Variants in THSD4 observed in about 807,000 individuals in gnomAD.
THSD4 encodes the protein thrombospondin type-1 domain-containing protein 4.
A neutral mutation model predicts 119.0 loss-of-function variants in THSD4; 69 were observed. That is an observed-to-expected ratio of 0.58 (90% CI 0.48 to 0.71). The LOEUF is 0.71. THSD4 is among the 30% of genes least tolerant of loss of function. The probability of loss-of-function intolerance (pLI) is 0.00; values close to 1 mark genes in which losing one functional copy is unlikely to be tolerated. For synonymous variants in THSD4, 524 were observed against 540.4 expected, an observed-to-expected ratio of 0.97 and a Z score of 0.42; for missense variants, 1,393 against 1,391.1, an observed-to-expected ratio of 1.00 and a Z score of -0.02.
intron 6 of THSD4, among the ~76,000 whole-genome samples, chr15:71,325,181 G>A (rs1417699843): frequency 1.3e-5 from 2 of 152,078 alleles, no homozygotes; most frequent in Non-Finnish European, 2.9e-5. Flanking sequence ...TGAAGATGTG[G>A]GTTATGTATA....
rs763732027 is a variant in THSD4 at position 71,771,194 on chromosome 15, G to A, written c.2900G>A (p.Cys967Tyr). The A allele has an allele frequency of 9.3e-6, 15 of 1,613,758 alleles. No homozygotes were observed. The highest frequency in any genetic ancestry group is 1.2e-5 in the Non-Finnish European group (14 of 1,179,926). Residue 967 changes from cysteine to tyrosine, a missense_variant, in exon 17 of 18, where the codon TGT (cysteine) becomes TAT (tyrosine). Coordinates refer to ENST00000261862, the MANE Select transcript of THSD4 (RefSeq NM_024817.3). ...EERESCNPQD[C>Y]VPEVDENCKD... ...AGAGAATCTTGTAACCCTCAGGACT[G>A]TGTCCCTGAAGTTGGTAAGTAGAGA...
At chr15:71,228,691 CT>C (rs1362458625) in intron 4 of THSD4, among the ~76,000 whole-genome samples, 1 of 152,180 alleles carries the variant, frequency 6.6e-6, no homozygotes, top group East Asian at 1.9e-4. Context: ...GAGAACCTGG[CT>C]TTAAAGCCCA....
At chr15:71,727,587 T>TACACACACACACACAC (rs367823728) in intron 8 of THSD4, among the ~76,000 whole-genome samples, 7 of 9,278 alleles carry the variant, frequency 7.5e-4, no homozygotes, top group African/African-American at 1.8e-3. Flanking sequence ...TATATATATA[T>TACACACACACACACAC]ACACACACAC....
rs545054228 is a variant in THSD4 at position 71,551,219 on chromosome 15, ATG to A, written c.1153-109307_1153-109306del. 1.5e-4 allele frequency among the ~76,000 whole-genome samples: 23 copies of A among 152,346 alleles called. No individual in the cohort carries two copies. In the South Asian group the frequency reaches 4.3e-3, roughly 29 times the overall value. On this transcript the variant is annotated intron_variant, in intron 7 of 17. Transcript: ENST00000261862. ...GCATAAAATGCTCCCATTGTGTAAA[ATG>A]TGTTATCGACTATAATCACCATTGC... is the stretch of plus-strand genomic sequence containing the variant.
intron 7 of THSD4, among the ~76,000 whole-genome samples, chr15:71,616,851 ACT>A (rs1242507104): frequency 2.6e-5 from 4 of 152,080 alleles, no homozygotes; most frequent in African/African-American, 7.2e-5. Flanking sequence ...AATAGGATTA[ACT>A]CTCTACGAGA....
chr15:71,109,806 A>T (rs1474791316), intron 1 of THSD4, among the ~76,000 whole-genome samples: 1 of 151,882 alleles, frequency 6.6e-6, no homozygotes, highest in Non-Finnish European at 1.5e-5. Flanking sequence ...CAACTAGCAC[A>T]TAGTAGGTGG....
chr15:71,545,384 G>A (rs547668824), intron 7 of THSD4, among the ~76,000 whole-genome samples: 27 of 152,246 alleles, frequency 1.8e-4, no homozygotes, highest in South Asian at 8.3e-4. Flanking sequence ...AAATCTGGCC[G>A]CCTGTCTGTT....
intron 7 of THSD4, among the ~76,000 whole-genome samples, chr15:71,468,398 T>C (rs1008845770): frequency 1.3e-5 from 2 of 152,154 alleles, no homozygotes; most frequent in African/African-American, 4.8e-5. Flanking sequence ...CTCAGATCCC[T>C]TTTTCCTTAA....
At position 71,746,934 on chromosome 15, in the gene THSD4, C is replaced by T. The variant is rs1222625357; in HGVS notation, c.2133C>T (p.Ser711=). 2 of 1,613,794 alleles carry T rather than the reference C, an allele frequency of 1.2e-6. No individual in the cohort carries two copies. The change falls in exon 13 of 18, where the codon AGC becomes AGT. Residue 711 remains serine (S), a synonymous_variant. Coordinates refer to ENST00000261862, the MANE Select transcript of THSD4 (RefSeq NM_024817.3). ...GCCGCCAGGTGTACGCCAACCGCAG[C>T]CTGACGGTGCAGCCCTACCGCTGCC... ...VLCRQVYANR[S]LTVQPYRCQH...
chr15:71,340,603 CTTT>C (rs780712768), intron 6 of THSD4, among the ~76,000 whole-genome samples: 44 of 115,188 alleles, frequency 3.8e-4, no homozygotes, highest in African/African-American at 1.3e-3. Flanking sequence ...CATCCAGAGA[CTTT>C]TTTTTTTTTT....
At chr15:71,610,027 C>G (rs1048747992) in intron 7 of THSD4, among the ~76,000 whole-genome samples, 7 of 152,000 alleles carry the variant, frequency 4.6e-5, no homozygotes, top group Non-Finnish European at 5.9e-5. Context: ...AGACTGTCAT[C>G]GACAATAAAG....
intron 15 of THSD4, among the ~76,000 whole-genome samples, chr15:71,758,325 C>T (rs558573154): frequency 2.6e-5 from 4 of 152,320 alleles, no homozygotes; most frequent in East Asian, 1.9e-4. Context: ...TATCTCTGCC[C>T]TCAGGGGGCT....
rs181703187 is a variant in THSD4 at position 71,268,822 on chromosome 15, A to G, written c.1015+12107A>G. On this transcript the variant is annotated intron_variant, in intron 6 of 17. Coordinates refer to ENST00000261862, the MANE Select transcript of THSD4 (RefSeq NM_024817.3). ...CAGAAATACAAACTACCATCAGAGA[A>G]TACTGTAAACACCTCTATGCAAATA... Among the ~76,000 whole-genome samples the G allele has an allele frequency of 4.3e-4, 66 of 152,320 alleles. No homozygotes were observed. The Middle Eastern group carries it at 0.01, about 24-fold the overall frequency.
chr15:71,337,755 T>C (rs2045507240), intron 6 of THSD4, among the ~76,000 whole-genome samples: 1 of 152,090 alleles, frequency 6.6e-6, no homozygotes. Context: ...CAGGTGAACC[T>C]AGTAGAGGCT....
chr15:71,198,064 G>C (rs2043735160), intron 3 of THSD4, among the ~76,000 whole-genome samples: 1 of 152,164 alleles, frequency 6.6e-6, no homozygotes, highest in African/African-American at 2.4e-5. Flanking sequence ...CGACCAGCCT[G>C]GACAATATAG....
chr15:71,227,754 G>A (rs891947843), intron 4 of THSD4, among the ~76,000 whole-genome samples: 1 of 152,150 alleles, frequency 6.6e-6, no homozygotes, highest in African/African-American at 2.4e-5. Context: ...TTGCCACCCC[G>A]AGCCCACAAT....
Position 71,780,948 on chromosome 15 carries a change from G to T in THSD4, c.*3574G>T, listed in dbSNP as rs186961223. On this transcript the variant is annotated 3_prime_UTR_variant, in exon 18 of 18. Transcript: ENST00000261862. ...GGACCTGTCTAAACAAATGTTGTGG[G>T]TTTTCTTTTCATTCGGATAGCCACT... 2.8e-6 allele frequency: 1 copy of T among 354,726 alleles called. No homozygotes were observed. Among genetic ancestry groups the T allele is most frequent in the African/African-American group, 2.1e-5 (1 of 46,754 alleles). The allele number at this position is 354,726 out of a possible 1,614,324, so 22.0% of individuals were successfully genotyped here.
intron 6 of THSD4, among the ~76,000 whole-genome samples, chr15:71,380,258 G>A (rs1286321460): frequency 6.6e-6 from 1 of 152,078 alleles, no homozygotes; most frequent in Non-Finnish European, 1.5e-5. Flanking sequence ...AATTTTGAGA[G>A]ATTGATCAAA....
intron 3 of THSD4, among the ~76,000 whole-genome samples, chr15:71,160,237 T>C (rs2043238584): frequency 6.6e-6 from 1 of 151,578 alleles, no homozygotes; most frequent in Non-Finnish European, 1.5e-5. Flanking sequence ...TTGAGAATTT[T>C]TGCATCTATG....
Sources: allele counts gnomAD v4.1 joint callset (sites outside exome capture counted in the v4.1 genomes callset), GRCh38; gene constraint gnomAD v4.1.1; transcripts MANE v1.5; gene names NCBI Gene and HGNC (gene_info 2026-07-23, HGNC 2026-07-21).